HHIP: variants seen among roughly 807,000 people sequenced by gnomAD.
The protein encoded by HHIP is hedgehog interacting protein, also known as hedgehog-interacting protein.
A neutral mutation model predicts 74.0 loss-of-function variants in HHIP; 12 were observed. The ratio of observed to expected loss-of-function variants is 0.16; its 90% CI spans 0.10 to 0.26. The LOEUF (loss-of-function observed/expected upper bound fraction) is 0.26, where lower values mean the gene tolerates loss of function less well. HHIP is among the 10% of genes least tolerant of loss of function. The pLI is 1.00. For missense variants in HHIP, 788 were observed against 845.0 expected (o/e 0.93, Z 0.84); for synonymous variants, 309 against 311.6 (o/e 0.99, Z 0.09).
intron 2 of HHIP, 109 bp from the exon 3 acceptor site, chr4:144,658,681 A>G: frequency 2.4e-6 from 2 of 836,282 alleles, no homozygotes; most frequent in Non-Finnish European, 3.7e-6. Context: ...TCTTCCTAAA[A>G]TATCCACCTA....
chr4:144,666,410 A>T (rs1410759076), intron 4 of HHIP, among the ~76,000 whole-genome samples: 1 of 152,162 alleles, frequency 6.6e-6, no homozygotes, highest in African/African-American at 2.4e-5. Context: ...CTTCTTTCTT[A>T]TTAATCATAA....
At chr4:144,720,463 T>C (rs1730601996) in intron 11 of HHIP, among the ~76,000 whole-genome samples, 2 of 152,166 alleles carry the variant, frequency 1.3e-5, no homozygotes, top group South Asian at 4.2e-4. Context: ...CAAAAATCTT[T>C]CTCTCTTCAT....
intron 10 of HHIP, among the ~76,000 whole-genome samples, chr4:144,717,342 T>C (rs1008177217): frequency 2.0e-5 from 3 of 152,186 alleles, no homozygotes; most frequent in African/African-American, 4.8e-5. Flanking sequence ...CTTGACAAAA[T>C]AATATTAATT....
Position 144,670,252 on chromosome 4 carries a change from C to T in HHIP, c.831+10414C>T, listed in dbSNP as rs1054264291. 2.0e-5 allele frequency among the ~76,000 whole-genome samples: 3 copies of T among 151,476 alleles called. No homozygotes were observed. The East Asian group carries it at 5.8e-4, about 29-fold the overall frequency. On this transcript the variant is annotated intron_variant, in intron 4 of 12. Coordinates refer to ENST00000296575, the MANE Select transcript of HHIP (RefSeq NM_022475.3). Reference sequence around the variant, plus strand: ...GAGGCCGGCGGATCACCTGAAGTAACGAGTGCTCAATCAGCCTGGCCCACA... The same window carrying T: ...GAGGCCGGCGGATCACCTGAAGTAATGAGTGCTCAATCAGCCTGGCCCACA...
intron 12 of HHIP, among the ~76,000 whole-genome samples, chr4:144,736,342 G>A (rs113706308): frequency 0.02 from 3,047 of 151,928 alleles, 103 homozygotes; most frequent in African/African-American, 0.069. Flanking sequence ...CACCACGTTG[G>A]CCAGGCTGGT....
intron 2 of HHIP, among the ~76,000 whole-genome samples, chr4:144,653,446 T>C (rs1019058280): frequency 2.0e-5 from 3 of 152,168 alleles, no homozygotes; most frequent in African/African-American, 7.2e-5. Context: ...ATGCATATAG[T>C]GTCATGAACA....
chr4:144,648,229 C>T (rs1423206846), intron 1 of HHIP: 1 of 152,228 alleles, frequency 6.6e-6, no homozygotes, highest in Non-Finnish European at 1.5e-5. Flanking sequence ...CTGCTGCCCA[C>T]ACACAGAGTC....
intron 11 of HHIP, among the ~76,000 whole-genome samples, chr4:144,732,722 A>G (rs1364885340): frequency 6.6e-6 from 1 of 152,200 alleles, no homozygotes; most frequent in Admixed American, 6.5e-5. Context: ...TCACCTATTC[A>G]GGCATAAACC....
Position 144,738,059 on chromosome 4 carries a change from A to G in HHIP, c.*102A>G. 7.2e-7 allele frequency: 1 copy of G among 1,387,216 alleles called. No homozygotes were observed. The highest frequency in any genetic ancestry group is 1.9e-5 in the South Asian group (1 of 52,428). The allele number at this position is 1,387,216 out of a possible 1,614,324, so 85.9% of individuals were successfully genotyped here. A position where few individuals can be genotyped will look rare whatever the true frequency, so the allele number is the denominator to read the frequency against. On this transcript the variant is annotated 3_prime_UTR_variant, in exon 13 of 13. Coordinates refer to ENST00000296575, the MANE Select transcript of HHIP (RefSeq NM_022475.3). Reference sequence around the variant, plus strand: ...TCCTGCTACACACTCCTGTGATTTCATTCTCTTTTATTAATTTAAAAATAA... The same window carrying G: ...TCCTGCTACACACTCCTGTGATTTCGTTCTCTTTTATTAATTTAAAAATAA...
chr4:144,715,472 C>T (rs1293507804), intron 10 of HHIP, 42 bp downstream of exon 10: 1 of 1,579,886 alleles, frequency 6.3e-7, no homozygotes, highest in East Asian at 2.3e-5. Flanking sequence ...TTCTCACTTC[C>T]TTTTTCAAGA....
rs143376931 is a variant in HHIP at position 144,698,183 on chromosome 4, A to G, written c.832-8348A>G. Among the ~76,000 whole-genome samples the G allele has an allele frequency of 1.6e-3, 250 of 152,238 alleles. 6 individuals carry two copies. The highest frequency in any genetic ancestry group is 5.7e-3 in the African/African-American group (238 of 41,552). On this transcript the variant is annotated intron_variant, in intron 4 of 12. Transcript: ENST00000296575. ...CTGGTTATCTTCTAGCAGCTCTCCA[A>G]TGTTATCTGAAGCAGGACAGATTTC...
In HHIP at chr4:144,740,652, G is replaced by T. The variant is rs1248667398; in HGVS notation, c.*2695G>T. On this transcript the variant is annotated 3_prime_UTR_variant, in exon 13 of 13. Transcript: ENST00000296575. ...GCATGACTGGAGAATTATCTTCAAT[G>T]ATTCATGATGAGAGGCAGGTAGGAA... 1 of 152,070 alleles carries T rather than the reference G, an allele frequency of 6.6e-6. No individual in the cohort carries two copies. The highest frequency in any genetic ancestry group is 1.5e-5 in the Non-Finnish European group (1 of 68,022). 9.4% of individuals were successfully genotyped at this position (152,070 alleles called of 1,614,324 possible). A position where few individuals can be genotyped will look rare whatever the true frequency, so the allele number is the denominator to read the frequency against.
rs1326862299 is a variant in HHIP at position 144,743,389 on chromosome 4, T to TA, written c.*5439dup. 1 of 151,766 alleles carries TA rather than the reference T, an allele frequency of 6.6e-6. No homozygotes were observed. Among genetic ancestry groups the TA allele is most frequent in the Non-Finnish European group, 1.5e-5 (1 of 67,866 alleles). 9.4% of individuals were successfully genotyped at this position (151,766 alleles called of 1,614,324 possible). On this transcript the variant is annotated 3_prime_UTR_variant, in exon 13 of 13. Coordinates refer to ENST00000296575, the MANE Select transcript of HHIP (RefSeq NM_022475.3). Reference sequence around the variant, plus strand: ...GTCATATATAAGTCCATTGACAAAATAAAAAAATAAATAATTGGATTCCTT... The same window carrying TA: ...GTCATATATAAGTCCATTGACAAAATAAAAAAAATAAATAATTGGATTCCTT...
intron 1 of HHIP, among the ~76,000 whole-genome samples, 169 bp from the exon 2 acceptor site, chr4:144,652,436 T>C (rs1728448765): frequency 6.6e-6 from 1 of 152,144 alleles, no homozygotes; most frequent in Admixed American, 6.5e-5. Context: ...CCAGAGACTA[T>C]ACTTGTATCC....
intron 4 of HHIP, among the ~76,000 whole-genome samples, chr4:144,703,720 G>A (rs1320480568): frequency 6.6e-6 from 1 of 152,144 alleles, no homozygotes; most frequent in Non-Finnish European, 1.5e-5. Context: ...CTGGTCTGCT[G>A]GCCAGTCCCG....
chr4:144,670,871 T>C (rs1432682508), intron 4 of HHIP, among the ~76,000 whole-genome samples: 4 of 151,634 alleles, frequency 2.6e-5, no homozygotes, highest in Admixed American at 6.6e-5. Context: ...CTAGGAAAGC[T>C]GTGGTGATGA....
intron 8 of HHIP, among the ~76,000 whole-genome samples, chr4:144,712,844 TGTTA>T (rs1730341491): frequency 6.6e-6 from 1 of 151,696 alleles, no homozygotes. Flanking sequence ...GAAGCAGCTG[TGTTA>T]GTTCATGTGG....
intron 11 of HHIP, among the ~76,000 whole-genome samples, chr4:144,733,493 T>G (rs574392833): frequency 6.6e-6 from 1 of 152,280 alleles, no homozygotes; most frequent in South Asian, 2.1e-4. Context: ...TCATCACTGT[T>G]CATATTGCCA....
Position 144,718,770 on chromosome 4 carries a change from G to A in HHIP, c.1679-105G>A, listed in dbSNP as rs1730542837. 1.8e-5 allele frequency: 13 copies of A among 735,300 alleles called. No homozygotes were observed. In the South Asian group the frequency reaches 2.0e-4, roughly 11 times the overall value. The allele number at this position is 735,300 out of a possible 1,614,324, so 45.5% of individuals were successfully genotyped here. A position where few individuals can be genotyped will look rare whatever the true frequency, so the allele number is the denominator to read the frequency against. On this transcript the variant is annotated intron_variant, in intron 10 of 12. Transcript: ENST00000296575. Reference sequence around the variant, plus strand: ...TAATCTTTAGGCAAGTGATTTTCTTGTGGATAGATGGAGATAGATTGACAT... The same window carrying A: ...TAATCTTTAGGCAAGTGATTTTCTTATGGATAGATGGAGATAGATTGACAT...
Sources: allele counts gnomAD v4.1 joint callset (sites outside exome capture counted in the v4.1 genomes callset), GRCh38; gene constraint gnomAD v4.1.1; transcripts MANE v1.5; gene names NCBI Gene and HGNC (gene_info 2026-07-23, HGNC 2026-07-21).